The following POLR2G variants were observed in gnomAD, a reference collection of about 807,000 sequenced individuals.
POLR2G encodes the protein DNA-directed RNA polymerase II subunit RPB7.
POLR2G carries 19 observed loss-of-function variants against 25.7 expected under a neutral mutation model. The observed-to-expected ratio is 0.74, with a 90% CI of 0.52 to 1.08. POLR2G has a LOEUF of 1.08. Among genes scored for constraint, POLR2G ranks in the 50% least tolerant of loss-of-function variants. The pLI, the probability that POLR2G is intolerant of heterozygous loss-of-function variation, is 0.00. For missense variants in POLR2G, 123 were observed against 218.5 expected, an observed-to-expected ratio of 0.56 and a Z score of 2.76; for synonymous variants, 79 against 76.0, an observed-to-expected ratio of 1.04 and a Z score of -0.21.
Position 62,761,795 on chromosome 11 carries a change from A to T in POLR2G, c.13A>T (p.Ile5Phe), listed in dbSNP as rs1280363843. 6.2e-7 allele frequency: 1 copy of T among 1,613,730 alleles called. No individual in the cohort carries two copies. Among genetic ancestry groups the T allele is most frequent in the Non-Finnish European group, 8.5e-7 (1 of 1,179,820 alleles). The change falls in exon 2 of 8, where the codon ATC becomes TTC. Residue 5 changes from isoleucine (I) to phenylalanine (F), a missense_variant and splice_region_variant. Coordinates refer to ENST00000301788, the MANE Select transcript of POLR2G (RefSeq NM_002696.3). MFYH[I>F]SLEHEILLHP... ...GTCGCCATCCCACTTTTCTCCGCAGATCTCCCTAGAGCACGAAATCCTGCT... is the reference window on the plus strand; with the variant it reads ...GTCGCCATCCCACTTTTCTCCGCAGTTCTCCCTAGAGCACGAAATCCTGCT...
At chr11:62,765,793 T>C (rs376196969) in intron 6 of POLR2G, 69 bp downstream of exon 6, 10 of 931,412 alleles carry the variant, frequency 1.1e-5, no homozygotes, top group East Asian at 5.1e-5. Context: ...TTTTTTCTTT[T>C]TTTTTTTTTT....
chr11:62,766,156 G>C, intron 6 of POLR2G, 87 bp from the exon 7 acceptor site: 1 of 1,097,038 alleles, frequency 9.1e-7, no homozygotes, highest in Non-Finnish European at 1.4e-6. Context: ...AAGAAGGGAT[G>C]GATGGGCAGA....
In POLR2G at chr11:62,763,046, A is replaced by G; in HGVS notation, c.282+20A>G. On this transcript the variant is annotated intron_variant, in intron 3 of 7. Transcript: ENST00000301788. ...AACAAGGTGAGACCATACATAGGGGAGGCAGTGGGGTAGTCTCTCGGAAGA... is the reference window on the plus strand; with the variant it reads ...AACAAGGTGAGACCATACATAGGGGGGGCAGTGGGGTAGTCTCTCGGAAGA... 1 of 1,526,624 alleles carries G rather than the reference A, an allele frequency of 6.6e-7. No homozygotes were observed. Among genetic ancestry groups the G allele is most frequent in the South Asian group, 1.2e-5 (1 of 84,390 alleles). 94.6% of individuals were successfully genotyped at this position (1,526,624 alleles called of 1,614,324 possible). A position where few individuals can be genotyped will look rare whatever the true frequency, so the allele number is the denominator to read the frequency against.
intron 2 of POLR2G, chr11:62,762,161 G>C: frequency 4.0e-6 from 2 of 495,120 alleles, no homozygotes; most frequent in Non-Finnish European, 7.4e-6. Context: ...TGTGTGCCAG[G>C]ACCCGTGTTG....
rs374123310 is a variant in POLR2G at position 62,762,902 on chromosome 11, A to G, written c.158A>G (p.Asn53Ser). Residue 53 changes from asparagine (N) to serine (S), a missense_variant, in exon 3 of 8, where the codon AAT (asparagine) becomes AGT (serine). Physicochemically the swap from Asn to Ser is conservative, Grantham distance 46 (BLOSUM62 1). Coordinates refer to ENST00000301788, the MANE Select transcript of POLR2G (RefSeq NM_002696.3). ...GFVIAVTTID[N>S]IGAGVIQPGR... ...GTAATTGCTGTCACCACCATTGACA[A>G]TATTGGTGCTGGTGTGATCCAGCCA... 1 of 1,605,664 alleles carries G rather than the reference A, an allele frequency of 6.2e-7. No individual in the cohort carries two copies. The highest frequency in any genetic ancestry group is 8.5e-7 in the Non-Finnish European group (1 of 1,173,776).
Position 62,763,040 on chromosome 11 carries a change from T to C in POLR2G, c.282+14T>C. The C allele has an allele frequency of 6.4e-7, 1 of 1,561,858 alleles. No homozygotes were observed. Among genetic ancestry groups the C allele is most frequent in the Non-Finnish European group, 8.7e-7 (1 of 1,144,288 alleles). ...CAGGTCAACAAGGTGAGACCATACATAGGGGAGGCAGTGGGGTAGTCTCTC... is the reference window on the plus strand; with the variant it reads ...CAGGTCAACAAGGTGAGACCATACACAGGGGAGGCAGTGGGGTAGTCTCTC... On this transcript the variant is annotated intron_variant, in intron 3 of 7. Coordinates refer to ENST00000301788, the MANE Select transcript of POLR2G (RefSeq NM_002696.3).
chr11:62,765,034 T>C (rs2084108134), intron 3 of POLR2G, 148 bp from the exon 4 acceptor site: 2 of 626,986 alleles, frequency 3.2e-6, no homozygotes, highest in Non-Finnish European at 5.7e-6. Context: ...AATTTTTGTA[T>C]TTTTAGTAAT....
rs200424824 is a variant in POLR2G at position 62,766,469 on chromosome 11, T to C, written c.506-25T>C. 828 of 1,613,798 alleles carry C rather than the reference T, an allele frequency of 5.1e-4. 1 individual carries two copies. The highest frequency in any genetic ancestry group is 4.8e-4 in the Non-Finnish European group (565 of 1,179,724). ...GGCTACCCTAAATTCCGGTTCTAAC[T>C]GATATGCTTTTTCTGGTTTCGCAGG... On this transcript the variant is annotated intron_variant, in intron 7 of 7. Coordinates refer to ENST00000301788, the MANE Select transcript of POLR2G (RefSeq NM_002696.3).
rs778939342 is a variant in POLR2G at position 62,765,375 on chromosome 11, C to A, written c.369C>A (p.Ser123=). 3.1e-6 allele frequency: 5 copies of A among 1,613,298 alleles called. No individual in the cohort carries two copies. In the East Asian group the frequency reaches 6.7e-5, roughly 22 times the overall value. Residue 123 remains serine, a synonymous_variant, in exon 5 of 8, where the codon TCC becomes TCA. Transcript: ENST00000301788. ...IPSEMEFDPN[S]NPPCYKTMDE... The stretch of plus-strand genomic sequence containing the variant: ...CAGAGATGGAGTTTGATCCTAACTC[C>A]AACCCACCATGTTACAAGACAATGG...
rs2084096074 is a variant in POLR2G, at chr11:62,762,974, T to A, written c.230T>A (p.Phe77Tyr). 1.2e-6 allele frequency: 2 copies of A among 1,611,268 alleles called. No homozygotes were observed. The highest frequency in any genetic ancestry group is 2.2e-5 in the East Asian group (1 of 44,780). Residue 77 changes from phenylalanine (F) to tyrosine (Y), a missense_variant, in exon 3 of 8, where the codon TTC becomes TAC. Physicochemically the swap from Phe to Tyr is conservative, Grantham distance 22 (BLOSUM62 3). Transcript: ENST00000301788. ...LYPVKYKAIV[F>Y]RPFKGEVVDA... ...CCAGTTAAGTACAAGGCCATTGTTT[T>A]CCGGCCATTTAAAGGGGAGGTCGTG...
In POLR2G at chr11:62,766,476, C is replaced by CTTT. The variant is rs767464754; in HGVS notation, c.506-15_506-13dup. 2 of 1,613,824 alleles carry CTTT rather than the reference C, an allele frequency of 1.2e-6. No individual in the cohort carries two copies. The highest frequency in any genetic ancestry group is 1.1e-5 in the South Asian group (1 of 91,068). On this transcript the variant is annotated splice_polypyrimidine_tract_variant and intron_variant, in intron 7 of 7. Coordinates refer to ENST00000301788, the MANE Select transcript of POLR2G (RefSeq NM_002696.3). The stretch of plus-strand genomic sequence containing the variant: ...CTAAATTCCGGTTCTAACTGATATG[C>CTTT]TTTTTCTGGTTTCGCAGGGCTTGTA...
At chr11:62,762,499 C>A (rs573851552) in intron 2 of POLR2G, 21 of 417,624 alleles carry the variant, frequency 5.0e-5, no homozygotes, top group African/African-American at 2.6e-4. Context: ...TCAGAAAAAC[C>A]TGCAGGAACA....
rs369699804 is a variant in POLR2G, at chr11:62,763,455, C to T, written c.282+429C>T. On this transcript the variant is annotated intron_variant, in intron 3 of 7. Transcript: ENST00000301788. ...GTCTACAGGTGCCCACCACCACGCC[C>T]GGCTAATTTTTTGTATTTTTAGTAC... is the stretch of plus-strand genomic sequence containing the variant. Among the ~76,000 whole-genome samples, 18 of 152,014 alleles carry T rather than the reference C, an allele frequency of 1.2e-4. 1 individual carries two copies. The East Asian group carries it at 1.6e-3, about 13-fold the overall frequency.
At chr11:62,766,459 C>T (rs751814715) in intron 7 of POLR2G, 35 bp from the exon 8 acceptor site, 23 of 1,613,196 alleles carry the variant, frequency 1.4e-5, no homozygotes, top group East Asian at 2.2e-5. Flanking sequence ...CCCTAAATTC[C>T]GGTTCTAACT....
At chr11:62,765,120 G>A in intron 3 of POLR2G, 62 bp from the exon 4 acceptor site, 2 of 1,465,292 alleles carry the variant, frequency 1.4e-6, no homozygotes, top group Non-Finnish European at 1.9e-6. Context: ...GCCTCCCAAA[G>A]TGCTGGGATT....
At position 62,761,869 on chromosome 11, in the gene POLR2G, G is replaced by A. The variant is rs930567955; in HGVS notation, c.87G>A (p.Lys29=). The change falls in exon 2 of 8, where the codon AAG becomes AAA. Residue 29 remains lysine (K), a synonymous_variant. Coordinates refer to ENST00000301788, the MANE Select transcript of POLR2G (RefSeq NM_002696.3). ...ACTTGCTCAACACGGTGAAGCAGAA[G>A]CTCTTCACCGAGGTGGAGGGGACCT... ...GPNLLNTVKQ[K]LFTEVEGTCT... 12 of 1,612,820 alleles carry A rather than the reference G, an allele frequency of 7.4e-6. No individual in the cohort carries two copies. Among genetic ancestry groups the A allele is most frequent in the Non-Finnish European group, 8.5e-6 (10 of 1,179,710 alleles).
chr11:62,762,801 T>A, intron 2 of POLR2G, 66 bp from the exon 3 acceptor site: 2 of 1,367,974 alleles, frequency 1.5e-6, no homozygotes, highest in Non-Finnish European at 2.0e-6. Context: ...TCAGCGACTT[T>A]TATTGCAGAT....
rs2084117096 is a variant in POLR2G at position 62,766,622 on chromosome 11, C to G, written c.*115C>G. On this transcript the variant is annotated 3_prime_UTR_variant, in exon 8 of 8. Transcript: ENST00000301788. Reference sequence around the variant, plus strand: ...GTGGAGGCAAGGAAGGCAACTCATCCCAGAAGGCATCTGGTGCTTCTTGTA... The same window carrying G: ...GTGGAGGCAAGGAAGGCAACTCATCGCAGAAGGCATCTGGTGCTTCTTGTA... The G allele has an allele frequency of 8.8e-6, 8 of 907,578 alleles. No individual in the cohort carries two copies. Among genetic ancestry groups the G allele is most frequent in the Non-Finnish European group, 1.4e-5 (8 of 558,186 alleles). The allele number at this position is 907,578 out of a possible 1,614,324, so 56.2% of individuals were successfully genotyped here.
intron 3 of POLR2G, among the ~76,000 whole-genome samples, chr11:62,763,845 G>A (rs1316180956): frequency 2.7e-5 from 4 of 150,402 alleles, no homozygotes; most frequent in East Asian, 4.0e-4. Context: ...GGGTTCAAGC[G>A]ATTCCCCTGC....
Sources: allele counts gnomAD v4.1 joint callset (sites outside exome capture counted in the v4.1 genomes callset), GRCh38; gene constraint gnomAD v4.1.1; transcripts MANE v1.5; gene names NCBI Gene and HGNC (gene_info 2026-07-23, HGNC 2026-07-21).